The following CEP250 variants were observed in gnomAD, a reference collection of about 807,000 sequenced individuals.
CEP250 encodes centrosomal protein 250.
In CEP250, 242 loss-of-function variants were observed where a neutral mutation model predicts 315.7. That is an observed-to-expected ratio of 0.77 (90% CI 0.69 to 0.85). The LOEUF is 0.85. CEP250 is among the 40% of genes least tolerant of loss of function. The probability of loss-of-function intolerance (pLI) is 0.00; values close to 1 mark genes in which losing one functional copy is unlikely to be tolerated. For synonymous variants in CEP250, 1,088 were observed against 1,175.0 expected, an observed-to-expected ratio of 0.93 and a Z score of 1.51; for missense variants, 2,515 against 2,886.4, an observed-to-expected ratio of 0.87 and a Z score of 2.95.
rs1474781780 is a variant in CEP250 at position 35,516,665 on chromosome 20, C to T, written c.*5039C>T. ...GGGATCTCTGAGAAGGAGCTCACCT[C>T]TAGGCACACAGAACCTGGACACAGA... On this transcript the variant is annotated 3_prime_UTR_variant, in exon 35 of 35. Coordinates refer to ENST00000397527, the MANE Select transcript of CEP250 (RefSeq NM_007186.6). The T allele has an allele frequency of 6.6e-6, 1 of 152,266 alleles. No individual in the cohort carries two copies. Among genetic ancestry groups the T allele is most frequent in the Non-Finnish European group, 1.5e-5 (1 of 68,080 alleles). The allele number at this position is 152,266 out of a possible 1,614,324, so 9.4% of individuals were successfully genotyped here. A position where few individuals can be genotyped will look rare whatever the true frequency, so the allele number is the denominator to read the frequency against.
chr20:35,490,637 G>T lies in CEP250; in HGVS notation c.2587G>T (p.Glu863Ter). 6.2e-7 allele frequency: 1 copy of T among 1,612,516 alleles called. No individual in the cohort carries two copies. Among genetic ancestry groups the T allele is most frequent in the South Asian group, 1.1e-5 (1 of 90,982 alleles). Residue 863 changes from glutamate (E) to a stop codon, truncating the protein, a stop_gained and splice_region_variant, in exon 21 of 35, where the codon GAG (glutamate) becomes TAG (stop). Coordinates refer to ENST00000397527, the MANE Select transcript of CEP250 (RefSeq NM_007186.6). LOFTEE classifies it high-confidence loss of function. ...KEVNQLREKW[E>*]KERSWHQQEL... ...AATGGTGTTTCCTTCATGTGGCCAG[G>T]AGAAGGAGCGCTCCTGGCACCAGCA...
At chr20:35,485,030 C>G (rs1172289304) in intron 20 of CEP250, among the ~76,000 whole-genome samples, 1 of 144,094 alleles carries the variant, frequency 6.9e-6, no homozygotes, top group Non-Finnish European at 1.5e-5. Context: ...TTGGTTGAGA[C>G]CAACCTGGGC....
At chr20:35,470,843 G>T (rs1233993507) in intron 10 of CEP250, among the ~76,000 whole-genome samples, 1 of 152,202 alleles carries the variant, frequency 6.6e-6, no homozygotes, top group African/African-American at 2.4e-5. Context: ...ATAGATTCTG[G>T]CTCACAGCTA....
At chr20:35,491,373 G>A in intron 22 of CEP250, 27 bp downstream of exon 22, 1 of 1,568,854 alleles carries the variant, frequency 6.4e-7, no homozygotes. Context: ...CGGGAGTAGG[G>A]GAGAAAGGGG....
intron 10 of CEP250, among the ~76,000 whole-genome samples, chr20:35,471,022 G>A (rs2063012486): frequency 6.6e-6 from 1 of 152,136 alleles, no homozygotes; most frequent in East Asian, 1.9e-4. Context: ...CTGATTTTAG[G>A]TAGCTCCTGA....
In CEP250 at chr20:35,512,548, C is replaced by A. The variant is rs368598360; in HGVS notation, c.*922C>A. 2.0e-5 allele frequency: 3 copies of A among 152,114 alleles called. No homozygotes were observed. The highest frequency in any genetic ancestry group is 7.2e-5 in the African/African-American group (3 of 41,388). 9.4% of individuals were successfully genotyped at this position (152,114 alleles called of 1,614,324 possible). A position where few individuals can be genotyped will look rare whatever the true frequency, so the allele number is the denominator to read the frequency against. ...GCATATCAGCTGGAACTGATCTGGTCGCCTGTAGTCCAACCATGTGTCAAG... is the reference window on the plus strand; with the variant it reads ...GCATATCAGCTGGAACTGATCTGGTAGCCTGTAGTCCAACCATGTGTCAAG... On this transcript the variant is annotated 3_prime_UTR_variant, in exon 35 of 35. Coordinates refer to ENST00000397527, the MANE Select transcript of CEP250 (RefSeq NM_007186.6).
At chr20:35,493,713 G>A in intron 23 of CEP250, 141 bp downstream of exon 23, 1 of 577,384 alleles carries the variant, frequency 1.7e-6, no homozygotes, top group African/African-American at 1.9e-5. Context: ...GTACTGAGTG[G>A]AAAATTAGAG....
Position 35,494,736 on chromosome 20 carries a change from AG to A in CEP250, c.3167+81del, listed in dbSNP as rs546624408. 2.6e-4 allele frequency: 406 copies of A among 1,539,330 alleles called. 1 individual carries two copies. The African/African-American group carries it at 3.5e-3, about 13-fold the overall frequency. ...CTGTGATATTGACAGTTGTTTGCTC[AG>A]GCCACCTTGCCTTTCATGTCTGCAA... On this transcript the variant is annotated intron_variant, in intron 24 of 34. Transcript: ENST00000397527.
chr20:35,509,952 G>C lies in CEP250; in HGVS notation c.7009-46G>C, dbSNP rs781452491. On this transcript the variant is annotated intron_variant, in intron 33 of 34. Transcript: ENST00000397527. The stretch of plus-strand genomic sequence containing the variant: ...TGCAAGGAAACTTGCAGAAACCCCA[G>C]AGTGGGAAGGCCTATGCCAACAAGA... 13 of 1,574,410 alleles carry C rather than the reference G, an allele frequency of 8.3e-6. No homozygotes were observed. In the Admixed American group the frequency reaches 1.7e-4, roughly 20 times the overall value.
intron 28 of CEP250, among the ~76,000 whole-genome samples, chr20:35,501,112 A>G (rs2063989293): frequency 6.6e-6 from 1 of 152,130 alleles, no homozygotes; most frequent in South Asian, 2.1e-4. Context: ...CAAGGACTAG[A>G]AAGTGTCATG....
intron 33 of CEP250, among the ~76,000 whole-genome samples, chr20:35,509,416 T>A (rs1445625282): frequency 6.6e-6 from 1 of 152,160 alleles, no homozygotes; most frequent in Non-Finnish European, 1.5e-5. Context: ...CACAGCTTGA[T>A]CTCTTAGACC....
At chr20:35,467,664 G>A in intron 9 of CEP250, 109 bp downstream of exon 9, 2 of 1,277,922 alleles carry the variant, frequency 1.6e-6, no homozygotes, top group East Asian at 2.3e-5. Context: ...CCATGGAGGG[G>A]GAGAAGATGT....
chr20:35,476,110 G>A (rs2063166193), intron 15 of CEP250: 1 of 244,204 alleles, frequency 4.1e-6, no homozygotes, highest in African/African-American at 2.2e-5. Context: ...TCATCTCTCA[G>A]TACACAACTT....
rs1438114459 is a variant in CEP250 at position 35,460,024 on chromosome 20, C to G, written c.-185C>G. On this transcript the variant is annotated 5_prime_UTR_variant, in exon 3 of 35. Coordinates refer to ENST00000397527, the MANE Select transcript of CEP250 (RefSeq NM_007186.6). ...AAATCCTGGGATAAGAGAATAGTTTCCTGGAAGATCTGTGCCTCCAACCAG... is the reference window on the plus strand; with the variant it reads ...AAATCCTGGGATAAGAGAATAGTTTGCTGGAAGATCTGTGCCTCCAACCAG... 6.6e-6 allele frequency: 1 copy of G among 152,116 alleles called. No homozygotes were observed. Among genetic ancestry groups the G allele is most frequent in the Non-Finnish European group, 1.5e-5 (1 of 68,040 alleles). The allele number at this position is 152,116 out of a possible 1,614,324, so 9.4% of individuals were successfully genotyped here. A position where few individuals can be genotyped will look rare whatever the true frequency, so the allele number is the denominator to read the frequency against.
Position 35,503,804 on chromosome 20 carries a change from TAGCCC to T in CEP250, c.5438_5442del (p.Ala1813GlufsTer81). The T allele has an allele frequency of 6.2e-7, 1 of 1,613,886 alleles. No individual in the cohort carries two copies. Among genetic ancestry groups the T allele is most frequent in the East Asian group, 2.2e-5 (1 of 44,876 alleles). ...CAACTGGATGAGGCCCAGAGAGCCC[TAGCCC>T]AGAGGGACCAGGAACTGGAGGCTCT... is the stretch of plus-strand genomic sequence containing the variant. On this transcript the variant is annotated frameshift_variant, in exon 30 of 35. Transcript: ENST00000397527. LOFTEE classifies it high-confidence loss of function. The surrounding 1 kb of genome is among the most constrained non-coding windows in gnomAD (Gnocchi z 4.2).
At chr20:35,456,153 C>T (rs2062620214) in intron 1 of CEP250, among the ~76,000 whole-genome samples, 1 of 152,190 alleles carries the variant, frequency 6.6e-6, no homozygotes. Flanking sequence ...CTTCGGCCTC[C>T]CAAAGTGCTG....
chr20:35,500,935 A>G (rs224378), intron 28 of CEP250, among the ~76,000 whole-genome samples: 95,388 of 152,118 alleles, frequency 0.63, 32,362 homozygotes, highest in Non-Finnish European at 0.76. Flanking sequence ...ACCCAGGGCC[A>G]GGACTGTAAG....
At chr20:35,508,406 C>T (rs1415987802) in intron 32 of CEP250, among the ~76,000 whole-genome samples, 1 of 151,994 alleles carries the variant, frequency 6.6e-6, no homozygotes, top group Non-Finnish European at 1.5e-5. Flanking sequence ...CCTCCACCTC[C>T]CGGGTTCAAG....
At chr20:35,456,231 T>C (rs947222653) in intron 1 of CEP250, among the ~76,000 whole-genome samples, 7 of 152,182 alleles carry the variant, frequency 4.6e-5, no homozygotes, top group Non-Finnish European at 1.0e-4. Context: ...TCCTATGGGG[T>C]GAGTTCTTTC....
Sources: gnomAD v4.1 joint callset for allele counts (sites outside exome capture counted in the v4.1 genomes callset) on GRCh38, gnomAD v4.1.1 for gene constraint, Gnocchi (gnomAD v3.1) non-coding constraint, MANE v1.5 for transcripts, NCBI Gene and HGNC (gene_info 2026-07-23, HGNC 2026-07-21) for gene names.